Variants in CRIM1 observed in about 807,000 individuals in gnomAD.
CRIM1 encodes cysteine-rich motor neuron 1 protein.
CRIM1 carries 32 observed loss-of-function variants against 116.4 expected under a neutral mutation model. The observed-to-expected ratio is 0.27, with a 90% CI of 0.21 to 0.37. CRIM1 has a LOEUF of 0.37. CRIM1 is among the 10% of genes least tolerant of loss of function. The pLI, the probability that CRIM1 is intolerant of heterozygous loss-of-function variation, is 1.00. For missense variants in CRIM1, 1,331 were observed against 1,354.8 expected (o/e 0.98, Z 0.28); for synonymous variants, 590 against 509.2 (o/e 1.16, Z -2.13).
chr2:36,505,343 A>T (rs1282307197), intron 8 of CRIM1, among the ~76,000 whole-genome samples: 6 of 151,830 alleles, frequency 4.0e-5, no homozygotes. Flanking sequence ...ACCAGAGGCT[A>T]ATTGATATAA....
intron 4 of CRIM1, among the ~76,000 whole-genome samples, chr2:36,450,509 G>C (rs1465179541): frequency 1.3e-5 from 2 of 151,960 alleles, no homozygotes; most frequent in Non-Finnish European, 2.9e-5. Context: ...ATTTCTTTCT[G>C]TCTCTTAAAA....
At chr2:36,542,730 C>G (rs574785818) in intron 14 of CRIM1, among the ~76,000 whole-genome samples, 1 of 152,312 alleles carries the variant, frequency 6.6e-6, no homozygotes, top group African/African-American at 2.4e-5. Context: ...GTGTGTGGCA[C>G]TGAAAGGTGT....
intron 7 of CRIM1, among the ~76,000 whole-genome samples, chr2:36,496,814 C>G (rs943846679): frequency 6.6e-6 from 1 of 152,198 alleles, no homozygotes; most frequent in Non-Finnish European, 1.5e-5. Flanking sequence ...CATTGTGGTT[C>G]TGATCCTCAA....
intron 7 of CRIM1, among the ~76,000 whole-genome samples, chr2:36,497,618 A>G (rs997827780): frequency 6.6e-6 from 1 of 152,222 alleles, no homozygotes; most frequent in African/African-American, 2.4e-5. Flanking sequence ...TTATTGAAGG[A>G]AATTAGAAAC....
chr2:36,476,415 T>C (rs1381611629), intron 5 of CRIM1, among the ~76,000 whole-genome samples: 4 of 152,196 alleles, frequency 2.6e-5, no homozygotes, highest in African/African-American at 7.2e-5. Flanking sequence ...GTTTATACCA[T>C]GTACAGAGAA....
Position 36,415,142 on chromosome 2 carries a change from G to C in CRIM1, c.505+18355G>C, listed in dbSNP as rs990803657. On this transcript the variant is annotated intron_variant, in intron 2 of 16. Transcript: ENST00000280527. ...AAAAGGGCTCAATTAGGTTGGATTTGGGGGTGAGGTTGGGGGTAGACTTCA... is the reference window on the plus strand; with the variant it reads ...AAAAGGGCTCAATTAGGTTGGATTTCGGGGTGAGGTTGGGGGTAGACTTCA... Among the ~76,000 whole-genome samples, 6 of 152,220 alleles carry C rather than the reference G, an allele frequency of 3.9e-5. No homozygotes were observed. The South Asian group carries it at 1.2e-3, about 32-fold the overall frequency.
intron 8 of CRIM1, among the ~76,000 whole-genome samples, chr2:36,503,368 A>C (rs1281792735): frequency 6.6e-6 from 1 of 152,232 alleles, no homozygotes; most frequent in Non-Finnish European, 1.5e-5. Flanking sequence ...GTAAAGGGCA[A>C]ATAATAGTAC....
In CRIM1 at chr2:36,499,166, C is replaced by G. The variant is rs1034427199; in HGVS notation, c.1373-53C>G. The stretch of plus-strand genomic sequence containing the variant: ...TGGAATTTCAAAAATTGAATAGCAT[C>G]TAAAAGGTAATCATATGTTTCATTG... On this transcript the variant is annotated intron_variant, in intron 7 of 16. Transcript: ENST00000280527. 3.5e-6 allele frequency: 5 copies of G among 1,423,676 alleles called. No individual in the cohort carries two copies. The African/African-American group carries it at 5.7e-5, about 16-fold the overall frequency. The allele number at this position is 1,423,676 out of a possible 1,614,324, so 88.2% of individuals were successfully genotyped here.
intron 8 of CRIM1, among the ~76,000 whole-genome samples, chr2:36,506,181 TCACACACACACACACACA>T (rs3076519): frequency 2.5e-5 from 3 of 120,866 alleles, no homozygotes; most frequent in Non-Finnish European, 5.1e-5. Flanking sequence ...TCTCTCTCTC[TCACACACACACACACACA>T]CACACACACA....
intron 2 of CRIM1, among the ~76,000 whole-genome samples, chr2:36,420,577 A>G (rs1572692435): frequency 6.6e-6 from 1 of 152,318 alleles, no homozygotes; most frequent in East Asian, 1.9e-4. Flanking sequence ...CTTAAGTGCC[A>G]TTTGAGAGGT....
At chr2:36,519,860 A>T (rs562394177) in intron 12 of CRIM1, among the ~76,000 whole-genome samples, 36 of 152,264 alleles carry the variant, frequency 2.4e-4, no homozygotes, top group Non-Finnish European at 3.8e-4. Context: ...TAAGTTTAAA[A>T]TTTTCTTTCC....
In CRIM1 at chr2:36,505,473, T is replaced by A. The variant is rs1459638417; in HGVS notation, c.1502-4510T>A. On this transcript the variant is annotated intron_variant, in intron 8 of 16. Coordinates refer to ENST00000280527, the MANE Select transcript of CRIM1 (RefSeq NM_016441.3). ...AGTAAGCATGAGTTATATATACATTTAAGAAAGGTTAACAAAAAACAAGTA... is the reference window on the plus strand; with the variant it reads ...AGTAAGCATGAGTTATATATACATTAAAGAAAGGTTAACAAAAAACAAGTA... Among the ~76,000 whole-genome samples the A allele has an allele frequency of 9.4e-5, 5 of 53,006 alleles. 2 individuals are homozygous for A. The highest frequency in any genetic ancestry group is 2.1e-4 in the Non-Finnish European group (5 of 23,450). 34.8% of individuals were successfully genotyped at this position (53,006 alleles called of 152,430 possible). A position where few individuals can be genotyped will look rare whatever the true frequency, so the allele number is the denominator to read the frequency against.
At chr2:36,358,611 C>T (rs984641004) in intron 1 of CRIM1, among the ~76,000 whole-genome samples, 5 of 152,142 alleles carry the variant, frequency 3.3e-5, no homozygotes, top group South Asian at 2.1e-4. Flanking sequence ...CTCATAGCTT[C>T]CTTTTTTCTG....
chr2:36,504,094 G>A (rs1472542876), intron 8 of CRIM1, among the ~76,000 whole-genome samples: 3 of 152,022 alleles, frequency 2.0e-5, no homozygotes, highest in African/African-American at 4.8e-5. Context: ...GGCAGGTCAC[G>A]AACTCCTGGC....
chr2:36,384,183 G>T (rs1301096861), intron 1 of CRIM1, among the ~76,000 whole-genome samples: 1 of 152,234 alleles, frequency 6.6e-6, no homozygotes, highest in East Asian at 1.9e-4. Context: ...GTGCTGGAGT[G>T]AACCATGCAC....
intron 1 of CRIM1, among the ~76,000 whole-genome samples, chr2:36,383,087 A>T (rs1409427699): frequency 2.0e-5 from 3 of 152,236 alleles, no homozygotes; most frequent in African/African-American, 7.2e-5. Context: ...ACCAACTTTA[A>T]ATAGAATAAT....
intron 4 of CRIM1, among the ~76,000 whole-genome samples, chr2:36,457,143 A>G (rs775838031): frequency 2.0e-5 from 3 of 151,942 alleles, no homozygotes; most frequent in Non-Finnish European, 4.4e-5. Context: ...TTTTATTTTT[A>G]TTTATTTTAT....
At chr2:36,541,400 A>C (rs1055790034) in intron 14 of CRIM1, among the ~76,000 whole-genome samples, 12 of 152,248 alleles carry the variant, frequency 7.9e-5, no homozygotes, top group Admixed American at 7.8e-4. Flanking sequence ...AGAACCTATG[A>C]GCTGTTAGGT....
intron 7 of CRIM1, among the ~76,000 whole-genome samples, chr2:36,480,071 C>T (rs1204842954): frequency 3.3e-5 from 5 of 152,266 alleles, no homozygotes; most frequent in Non-Finnish European, 5.9e-5. Flanking sequence ...CTTCCATATG[C>T]CCAAGCGTCC....
Sources: allele counts gnomAD v4.1 joint callset (sites outside exome capture counted in the v4.1 genomes callset), GRCh38; gene constraint gnomAD v4.1.1; transcripts MANE v1.5; gene names NCBI Gene and HGNC (gene_info 2026-07-23, HGNC 2026-07-21).